LY96: variants seen among roughly 807,000 people sequenced by gnomAD.
The protein encoded by LY96 is myeloid differentiation protein-2.
Under a neutral mutation model 18.9 loss-of-function variants are expected in LY96, and 18 were observed. That is an observed-to-expected ratio of 0.95 (90% CI 0.66 to 1.41). The LOEUF is 1.41. Among genes scored for constraint, LY96 ranks in the 40% most tolerant of loss-of-function variants. The pLI is 0.00. For missense variants in LY96, 175 were observed against 182.4 expected, an observed-to-expected ratio of 0.96 and a Z score of 0.23; for synonymous variants, 66 against 62.6, an observed-to-expected ratio of 1.06 and a Z score of -0.26.
the LY96 span, among the ~76,000 whole-genome samples, chr8:74,046,317 A>G: frequency 6.6e-6 from 1 of 152,118 alleles, no homozygotes; most frequent in Admixed American, 6.5e-5. Context: ...GTGACCAAGA[A>G]TCTGACAGTC....
intron 2 of LY96, 43 bp from the exon 3 acceptor site, chr8:74,009,958 G>T (rs749238346): frequency 1.4e-6 from 2 of 1,436,416 alleles, no homozygotes; most frequent in South Asian, 1.1e-5. Flanking sequence ...ATGTATAAAA[G>T]AATCTACTAT....
At chr8:74,019,967 C>T (rs1816725982) in intron 3 of LY96, among the ~76,000 whole-genome samples, 1 of 152,182 alleles carries the variant, frequency 6.6e-6, no homozygotes, top group Admixed American at 6.5e-5. Context: ...CAATATCATA[C>T]TGAATGGGCA....
chr8:74,042,781 CTT>C, the LY96 span, among the ~76,000 whole-genome samples: 7 of 142,898 alleles, frequency 4.9e-5, no homozygotes, highest in Admixed American at 2.1e-4. Flanking sequence ...GTTTTGTTAC[CTT>C]TTTTTTTTTT....
chr8:74,054,520 T>TTTCCTTCCTTCCTTCCTTCC, the LY96 span, among the ~76,000 whole-genome samples: 189 of 118,414 alleles, frequency 1.6e-3, 2 homozygotes, highest in African/African-American at 5.8e-3. Context: ...TTTTCTTTCT[T>TTTCCTTCCTTCCTTCCTTCC]TTCCTTCCTT....
the LY96 span, among the ~76,000 whole-genome samples, chr8:74,085,263 C>T: frequency 2.0e-5 from 3 of 152,192 alleles, no homozygotes; most frequent in Non-Finnish European, 4.4e-5. Flanking sequence ...TAAAAGGTGA[C>T]AGAGCTGAAA....
At chr8:74,020,827 C>T (rs1423026242) in intron 3 of LY96, among the ~76,000 whole-genome samples, 1 of 152,118 alleles carries the variant, frequency 6.6e-6, no homozygotes, top group African/African-American at 2.4e-5. Context: ...GGAAAGGATT[C>T]CCTATTTAAT....
Position 74,011,558 on chromosome 8 carries a change from C to T in LY96, c.331+1429C>T, listed in dbSNP as rs1473804533. Among the ~76,000 whole-genome samples the T allele has an allele frequency of 2.6e-5, 4 of 151,976 alleles. No individual in the cohort carries two copies. In the South Asian group the frequency reaches 8.3e-4, roughly 32 times the overall value. On this transcript the variant is annotated intron_variant, in intron 3 of 4. Coordinates refer to ENST00000284818, the MANE Select transcript of LY96 (RefSeq NM_015364.5). ...ACAGCAACAACAAAAACAAATAACC[C>T]CATTAAAAAGTGGGAAGAGTGGCTA...
At chr8:74,042,012 T>A in the LY96 span, among the ~76,000 whole-genome samples, 2 of 152,216 alleles carry the variant, frequency 1.3e-5, no homozygotes, top group Non-Finnish European at 2.9e-5. Context: ...ATATGTGATG[T>A]CACCCCTGTA....
chr8:74,071,206 G>A, the LY96 span, among the ~76,000 whole-genome samples: 53 of 151,880 alleles, frequency 3.5e-4, no homozygotes, highest in African/African-American at 1.0e-3. Flanking sequence ...TATAGGAGAC[G>A]TGGCAGGAAG....
chr8:74,088,845 C>A, the LY96 span, among the ~76,000 whole-genome samples: 9 of 152,198 alleles, frequency 5.9e-5, no homozygotes, highest in Admixed American at 5.9e-4. Flanking sequence ...CTCGGTCTCC[C>A]TAAGTGCTGG....
chr8:74,054,373 G>T, the LY96 span, among the ~76,000 whole-genome samples: 504 of 152,296 alleles, frequency 3.3e-3, 5 homozygotes, highest in African/African-American at 0.011. Context: ...CTCAGTTATA[G>T]TAGCAGAGAA....
chr8:74,008,268 T>G (rs1331350466), intron 2 of LY96, among the ~76,000 whole-genome samples: 1 of 152,198 alleles, frequency 6.6e-6, no homozygotes, highest in Non-Finnish European at 1.5e-5. Flanking sequence ...TCTTGCTGTG[T>G]TTCACGAAGA....
chr8:74,021,677 T>G (rs1449226544), intron 3 of LY96, among the ~76,000 whole-genome samples: 1 of 152,104 alleles, frequency 6.6e-6, no homozygotes, highest in East Asian at 1.9e-4. Flanking sequence ...AACCCAAATG[T>G]CCATCAATGA....
the LY96 span, among the ~76,000 whole-genome samples, chr8:74,063,977 C>G: frequency 6.6e-6 from 1 of 152,040 alleles, no homozygotes; most frequent in African/African-American, 2.4e-5. Context: ...GTTGGTACTG[C>G]TAACATAATA....
chr8:74,005,711 A>G (rs1816394760), intron 2 of LY96, among the ~76,000 whole-genome samples: 1 of 152,120 alleles, frequency 6.6e-6, no homozygotes, highest in Non-Finnish European at 1.5e-5. Flanking sequence ...CTTAGAAAAA[A>G]CTAACGCAGG....
At chr8:74,092,499 C>T in the LY96 span, among the ~76,000 whole-genome samples, 1 of 152,190 alleles carries the variant, frequency 6.6e-6, no homozygotes, top group Non-Finnish European at 1.5e-5. Context: ...ATCACATCCA[C>T]TGACTCCTGG....
the LY96 span, among the ~76,000 whole-genome samples, chr8:74,068,061 CAAAAAA>C: frequency 1.7e-4 from 6 of 36,196 alleles, no homozygotes; most frequent in Non-Finnish European, 1.8e-4. Context: ...AACTCTGTCT[CAAAAAA>C]AAAAAAAAAA....
At chr8:74,012,782 T>C (rs996491867) in intron 3 of LY96, among the ~76,000 whole-genome samples, 13 of 152,140 alleles carry the variant, frequency 8.5e-5, no homozygotes, top group African/African-American at 2.9e-4. Context: ...GCCATTGCCA[T>C]ACAATAAAAT....
chr8:74,053,867 G>C, the LY96 span, among the ~76,000 whole-genome samples: 1 of 152,184 alleles, frequency 6.6e-6, no homozygotes, highest in African/African-American at 2.4e-5. Context: ...ATAAGAGGAA[G>C]AGAAATCTGA....
Sources: gnomAD v4.1 joint callset for allele counts (sites outside exome capture counted in the v4.1 genomes callset) on GRCh38, gnomAD v4.1.1 for gene constraint, MANE v1.5 for transcripts, NCBI Gene and HGNC (gene_info 2026-07-23, HGNC 2026-07-21) for gene names.